The following ZNF28 variants were observed in gnomAD, a reference collection of about 807,000 sequenced individuals.
ZNF28 encodes zinc finger protein 28.
In ZNF28, 5 loss-of-function variants were observed where a neutral mutation model predicts 7.2. The observed-to-expected ratio is 0.70, with a 90% CI of 0.36 to 1.46. ZNF28 has a LOEUF of 1.46. Among genes scored for constraint, ZNF28 ranks in the 40% most tolerant of loss-of-function variants. The pLI is 0.03. For synonymous variants in ZNF28, 288 were observed against 292.4 expected (o/e 0.99, Z 0.15); for missense variants, 879 against 866.6 (o/e 1.01, Z -0.18).
At position 52,817,997 on chromosome 19, in the gene ZNF28, C is replaced by A. The variant is rs1216138428; in HGVS notation, c.-39G>T. 1 of 1,610,234 alleles carries A rather than the reference C, an allele frequency of 6.2e-7. No homozygotes were observed. The highest frequency in any genetic ancestry group is 8.5e-7 in the Non-Finnish European group (1 of 1,179,602). On this transcript the variant is annotated 5_prime_UTR_variant, in exon 2 of 4. Coordinates refer to ENST00000457749, the MANE Select transcript of ZNF28 (RefSeq NM_006969.5). ...GCTTTCCTCTTCCTCTTCTGGGTTT[C>A]TTCCTCACGTACCAAGATTCTTTAG... is the stretch of plus-strand genomic sequence containing the variant.
At chr19:52,821,031 A>C (rs1600492130) in intron 1 of ZNF28, among the ~76,000 whole-genome samples, 1 of 152,144 alleles carries the variant, frequency 6.6e-6, no homozygotes, top group East Asian at 1.9e-4. Context: ...CCCGCGTCAC[A>C]GGACAAGCCC....
intron 2 of ZNF28, among the ~76,000 whole-genome samples, chr19:52,811,483 T>C (rs1419320936): frequency 6.8e-6 from 1 of 146,458 alleles, no homozygotes; most frequent in Non-Finnish European, 1.5e-5. Context: ...ATCTAGGAAG[T>C]GAGGAGCGTC....
At chr19:52,805,471 A>G (rs946010669) in intron 3 of ZNF28, 1 of 151,308 alleles carries the variant, frequency 6.6e-6, no homozygotes, top group African/African-American at 2.4e-5. Context: ...TACTAAAAAT[A>G]CAAAACTTAG....
Position 52,798,995 on chromosome 19 carries a change from G to T in ZNF28, c.*693C>A. ...TGCCAGGTGTGAATCACTCCCAAAA[G>T]CCTTGTTACAAACCTTACATTTGTA... On this transcript the variant is annotated 3_prime_UTR_variant, in exon 4 of 4. Transcript: ENST00000457749. The T allele has an allele frequency of 1.1e-6, 1 of 943,706 alleles. No homozygotes were observed. Among genetic ancestry groups the T allele is most frequent in the Non-Finnish European group, 1.6e-6 (1 of 644,584 alleles). The allele number at this position is 943,706 out of a possible 1,614,324, so 58.5% of individuals were successfully genotyped here. A position where few individuals can be genotyped will look rare whatever the true frequency, so the allele number is the denominator to read the frequency against.
At chr19:52,808,642 A>T (rs965374844) in intron 2 of ZNF28, among the ~76,000 whole-genome samples, 7 of 150,840 alleles carry the variant, frequency 4.6e-5, no homozygotes, top group South Asian at 2.1e-4. Context: ...AAAAAAAAAA[A>T]TTAAAAAAAA....
At chr19:52,820,409 G>A (rs1460019515) in intron 1 of ZNF28, among the ~76,000 whole-genome samples, 4 of 75,026 alleles carry the variant, frequency 5.3e-5, no homozygotes, top group South Asian at 4.7e-4. Context: ...GAGCCACCGC[G>A]CCCGGCCCTT....
intron 2 of ZNF28, among the ~76,000 whole-genome samples, chr19:52,808,592 T>C (rs895462017): frequency 6.0e-5 from 9 of 149,782 alleles, no homozygotes; most frequent in African/African-American, 2.2e-4. Context: ...CCAGACAGTG[T>C]CACTGCACTC....
Position 52,800,940 on chromosome 19 carries a change from T to C in ZNF28, c.905A>G (p.Glu302Gly), listed in dbSNP as rs539763223. 4.3e-6 allele frequency: 7 copies of C among 1,614,178 alleles called. No homozygotes were observed. The highest frequency in any genetic ancestry group is 2.7e-5 in the African/African-American group (2 of 75,048). Residue 302 changes from glutamate to glycine, a missense_variant, in exon 4 of 4, where the codon GAA becomes GGA. Physicochemically the swap from Glu to Gly is moderately conservative, Grantham distance 98. Transcript: ENST00000457749. Reference protein sequence around the residue: ...LHTADKPYECEECDKVFSRKS... With the variant: ...LHTADKPYECGECDKVFSRKS... ...GCGACTGAAAACTTTGTCACATTCT[T>C]CACATTCATAAGGTTTGTCTGCAGT...
chr19:52,820,467 A>G (rs1406952288), intron 1 of ZNF28, among the ~76,000 whole-genome samples: 5 of 151,602 alleles, frequency 3.3e-5, no homozygotes, highest in Non-Finnish European at 4.4e-5. Flanking sequence ...ATCGTCCTCA[A>G]TCTCCATAGA....
chr19:52,806,738 C>G (rs890607561), intron 3 of ZNF28, among the ~76,000 whole-genome samples: 4 of 151,808 alleles, frequency 2.6e-5, no homozygotes, highest in African/African-American at 9.7e-5. Flanking sequence ...ACTGTCTCTA[C>G]TAAAAACACA....
chr19:52,820,542 G>A (rs1011147493), intron 1 of ZNF28, among the ~76,000 whole-genome samples: 1 of 151,806 alleles, frequency 6.6e-6, no homozygotes, highest in African/African-American at 2.4e-5. Flanking sequence ...ATAACCCCCT[G>A]GACCCAGTCT....
At chr19:52,810,307 G>A (rs1378670912) in intron 2 of ZNF28, 28 of 1,562,102 alleles carry the variant, frequency 1.8e-5, no homozygotes, top group South Asian at 3.3e-5. Context: ...GCTGATGCCC[G>A]TTCCATCAAT....
In ZNF28 at chr19:52,808,035, C is replaced by A. The variant is rs2062958763; in HGVS notation, c.114G>T (p.Leu38=). 1 of 1,613,532 alleles carries A rather than the reference C, an allele frequency of 6.2e-7. No homozygotes were observed. Among genetic ancestry groups the A allele is most frequent in the Admixed American group, 1.7e-5 (1 of 59,986 alleles). ...AQRTLYRDVM[L]ENYRNLVSLD... Reference sequence around the variant, plus strand: ...GGGAGACCAGGTTCCTATAATTCTCCAGCATCACATCCCTGTAAAGAGTCC... The same window carrying A: ...GGGAGACCAGGTTCCTATAATTCTCAAGCATCACATCCCTGTAAAGAGTCC... The change falls in exon 3 of 4, where the codon CTG becomes CTT. Residue 38 remains leucine, a synonymous_variant. Transcript: ENST00000457749.
intron 3 of ZNF28, among the ~76,000 whole-genome samples, chr19:52,803,216 G>A (rs114542423): frequency 3.9e-5 from 6 of 152,236 alleles, no homozygotes; most frequent in South Asian, 2.1e-4. Context: ...ACCTGGGAAT[G>A]CAGGCACATG....
At chr19:52,808,612 C>A (rs2062968875) in intron 2 of ZNF28, among the ~76,000 whole-genome samples, 3 of 136,756 alleles carry the variant, frequency 2.2e-5, no homozygotes, top group South Asian at 2.3e-4. Context: ...CCAGCCTGGG[C>A]AACAGAAACT....
chr19:52,813,148 G>A (rs1256394625), intron 2 of ZNF28, among the ~76,000 whole-genome samples: 4 of 147,342 alleles, frequency 2.7e-5, no homozygotes, highest in Admixed American at 7.0e-5. Flanking sequence ...TTAAAATGAC[G>A]CTACTCATAG....
chr19:52,809,829 G>A (rs1029375393), intron 2 of ZNF28: 4 of 552,806 alleles, frequency 7.2e-6, no homozygotes, highest in African/African-American at 2.0e-5. Flanking sequence ...CGAAGGCGGC[G>A]GCGGCGGCGG....
At position 52,808,034 on chromosome 19, in the gene ZNF28, C is replaced by T; in HGVS notation, c.115G>A (p.Glu39Lys). ...QRTLYRDVML[E>K]NYRNLVSLDI... Reference sequence around the variant, plus strand: ...AGGGAGACCAGGTTCCTATAATTCTCCAGCATCACATCCCTGTAAAGAGTC... The same window carrying T: ...AGGGAGACCAGGTTCCTATAATTCTTCAGCATCACATCCCTGTAAAGAGTC... Residue 39 changes from glutamate (E) to lysine (K), a missense_variant, in exon 3 of 4, where the codon GAG becomes AAG. Glu to Lys is a moderately conservative substitution (Grantham distance 56, BLOSUM62 1). Around this residue, in one of 2 missense-constraint regions of ZNF28, gnomAD observed 864 missense variants for 830.2 expected, o/e 1.04. Coordinates refer to ENST00000457749, the MANE Select transcript of ZNF28 (RefSeq NM_006969.5). 1 of 1,613,556 alleles carries T rather than the reference C, an allele frequency of 6.2e-7. No individual in the cohort carries two copies. The highest frequency in any genetic ancestry group is 8.5e-7 in the Non-Finnish European group (1 of 1,179,576).
At chr19:52,809,188 T>C (rs2062978452) in intron 2 of ZNF28, among the ~76,000 whole-genome samples, 1 of 152,156 alleles carries the variant, frequency 6.6e-6, no homozygotes, top group Non-Finnish European at 1.5e-5. Context: ...AAATGCCCCA[T>C]CCTAGAAGAA....
Sources: gnomAD v4.1 joint callset for allele counts (sites outside exome capture counted in the v4.1 genomes callset) on GRCh38, gnomAD v4.1.1 for gene constraint, gnomAD v4.1.1 regional missense constraint, MANE v1.5 for transcripts, NCBI Gene and HGNC (gene_info 2026-07-23, HGNC 2026-07-21) for gene names.